Variants in TRIQK observed in about 807,000 individuals in gnomAD.
TRIQK encodes triple QxxK/R motif-containing protein.
Under a neutral mutation model 10.8 loss-of-function variants are expected in TRIQK, and 10 were observed. That is an observed-to-expected ratio of 0.92 (90% CI 0.57 to 1.57). TRIQK has a LOEUF of 1.57. Ranked by LOEUF, TRIQK falls within the 40% of genes most tolerant of loss-of-function variation. The probability of loss-of-function intolerance (pLI) is 0.00; values close to 1 mark genes in which losing one functional copy is unlikely to be tolerated. For missense variants in TRIQK, 107 were observed against 97.7 expected, an observed-to-expected ratio of 1.09 and a Z score of -0.40; for synonymous variants, 33 against 33.7, an observed-to-expected ratio of 0.98 and a Z score of 0.07.
intron 2 of TRIQK, among the ~76,000 whole-genome samples, chr8:92,945,611 CT>C (rs1364190837): frequency 6.6e-6 from 1 of 152,194 alleles, no homozygotes; most frequent in Non-Finnish European, 1.5e-5. Context: ...GCTCGTGCAG[CT>C]GTGGACAGCT....
At chr8:92,993,182 T>G (rs1813115589) in intron 1 of TRIQK, among the ~76,000 whole-genome samples, 1 of 152,174 alleles carries the variant, frequency 6.6e-6, no homozygotes, top group African/African-American at 2.4e-5. Context: ...TGAAGTGAGT[T>G]TTATTCAGCT....
intron 1 of TRIQK, among the ~76,000 whole-genome samples, chr8:93,015,266 T>TAAATTAGAATTATGTA: frequency 6.6e-6 from 1 of 152,074 alleles, no homozygotes; most frequent in Admixed American, 6.5e-5. Flanking sequence ...AATTCTAGTG[T>TAAATTAGAATTATGTA]ATTTCTAAAA....
chr8:92,955,915 G>A (rs780002080), intron 1 of TRIQK, among the ~76,000 whole-genome samples: 1 of 151,596 alleles, frequency 6.6e-6, no homozygotes, highest in Non-Finnish European at 1.5e-5. Flanking sequence ...AAAAATGCAA[G>A]TGGAGATAAG....
At chr8:92,929,729 C>T (rs1253750097) in intron 2 of TRIQK, 1 of 151,952 alleles carries the variant, frequency 6.6e-6, no homozygotes, top group East Asian at 1.9e-4. Flanking sequence ...ATCTGAAAGG[C>T]CACATGAGGG....
chr8:92,933,579 C>T (rs1280681425), intron 2 of TRIQK, among the ~76,000 whole-genome samples: 1 of 152,070 alleles, frequency 6.6e-6, no homozygotes, highest in African/African-American at 2.4e-5. Flanking sequence ...AAACATATGA[C>T]TGTCTGCAAA....
intron 2 of TRIQK, among the ~76,000 whole-genome samples, chr8:92,947,951 A>T (rs1391065829): frequency 6.6e-6 from 1 of 152,216 alleles, no homozygotes; most frequent in Non-Finnish European, 1.5e-5. Context: ...TCCTTGAATT[A>T]CAATGATAGG....
intron 2 of TRIQK, among the ~76,000 whole-genome samples, chr8:92,953,018 C>T (rs1187984629): frequency 6.6e-6 from 1 of 152,014 alleles, no homozygotes; most frequent in Non-Finnish European, 1.5e-5. Context: ...CTTGTTTCTA[C>T]AGCATAACCT....
rs184738971 is a variant in TRIQK, at chr8:92,903,382, A to C, written c.62-11308T>G. On this transcript the variant is annotated intron_variant, in intron 3 of 4. Coordinates refer to ENST00000521988, the MANE Select transcript of TRIQK (RefSeq NM_001171797.2). The stretch of plus-strand genomic sequence containing the variant: ...GCACTTAAATGTCTACATATAAAGA[A>C]TTATACACGTGAATATACTATTGTA... 6.6e-4 allele frequency among the ~76,000 whole-genome samples: 100 copies of C among 152,280 alleles called. 1 individual carries two copies. The highest frequency in any genetic ancestry group is 1.8e-3 in the African/African-American group (76 of 41,586).
chr8:93,017,114 A>G (rs1813391608), intron 1 of TRIQK, among the ~76,000 whole-genome samples: 1 of 910 alleles, frequency 1.1e-3, no homozygotes, highest in African/African-American at 3.7e-3. Flanking sequence ...ATACTTGGAG[A>G]GAGAGAGAGA....
At position 92,886,567 on chromosome 8, in the gene TRIQK, C is replaced by T. The variant is rs1816487651; in HGVS notation, c.*55G>A. On this transcript the variant is annotated 3_prime_UTR_variant, in exon 5 of 5. Coordinates refer to ENST00000521988, the MANE Select transcript of TRIQK (RefSeq NM_001171797.2). ...CAGTTTCAGTATTGAAAGTTTTGGT[C>T]CCAAAAGGTGCTTTCGTAAAGTTAT... 2.6e-6 allele frequency: 3 copies of T among 1,133,386 alleles called. No homozygotes were observed. The highest frequency in any genetic ancestry group is 3.7e-6 in the Non-Finnish European group (3 of 812,524). 70.2% of individuals were successfully genotyped at this position (1,133,386 alleles called of 1,614,324 possible).
intron 3 of TRIQK, among the ~76,000 whole-genome samples, chr8:92,915,729 G>A (rs189944167): frequency 6.8e-6 from 1 of 147,886 alleles, no homozygotes; most frequent in East Asian, 2.0e-4. Flanking sequence ...TCGATCTCCT[G>A]ACCTTGTGAT....
intron 2 of TRIQK, among the ~76,000 whole-genome samples, chr8:92,919,850 A>C (rs765487839): frequency 6.6e-6 from 1 of 151,524 alleles, no homozygotes; most frequent in Non-Finnish European, 1.5e-5. Context: ...CTGTCTTGTC[A>C]TGTTTAATCT....
At chr8:92,888,304 C>T (rs1160998699) in intron 4 of TRIQK, among the ~76,000 whole-genome samples, 2 of 151,640 alleles carry the variant, frequency 1.3e-5, no homozygotes, top group Non-Finnish European at 3.0e-5. Flanking sequence ...TGCTTTTCAA[C>T]TCCTTGTCCT....
chr8:93,004,566 G>T (rs1291492411), intron 1 of TRIQK, among the ~76,000 whole-genome samples: 1 of 152,130 alleles, frequency 6.6e-6, no homozygotes, highest in African/African-American at 2.4e-5. Context: ...CCCAAAAGTG[G>T]GTTTTTCTTT....
At chr8:92,949,903 A>T (rs894992308) in intron 2 of TRIQK, among the ~76,000 whole-genome samples, 1 of 152,012 alleles carries the variant, frequency 6.6e-6, no homozygotes, top group Admixed American at 6.6e-5. Context: ...GAAAGAAAGA[A>T]AAAAGAAAAA....
chr8:93,014,213 A>AG (rs1199289126), intron 1 of TRIQK, among the ~76,000 whole-genome samples: 1 of 152,146 alleles, frequency 6.6e-6, no homozygotes, highest in East Asian at 1.9e-4. Context: ...ACAATGTTAC[A>AG]GAAAAAAAGA....
intron 1 of TRIQK, among the ~76,000 whole-genome samples, chr8:93,004,297 G>T (rs1402377052): frequency 6.6e-6 from 1 of 152,172 alleles, no homozygotes; most frequent in Non-Finnish European, 1.5e-5. Context: ...AACTGCCAAG[G>T]TTGGGATTTG....
chr8:92,898,908 A>G (rs1300008315), intron 3 of TRIQK, among the ~76,000 whole-genome samples: 2 of 144,460 alleles, frequency 1.4e-5, no homozygotes, highest in African/African-American at 5.1e-5. Flanking sequence ...ATACAAGCAT[A>G]TAATGCATGA....
intron 1 of TRIQK, among the ~76,000 whole-genome samples, chr8:92,956,964 T>A (rs1355026316): frequency 6.6e-6 from 1 of 151,842 alleles, no homozygotes; most frequent in Non-Finnish European, 1.5e-5. Context: ...GGTAAGCACA[T>A]CACATACCAC....
Sources: gnomAD v4.1 joint callset for allele counts (sites outside exome capture counted in the v4.1 genomes callset) on GRCh38, gnomAD v4.1.1 for gene constraint, MANE v1.5 for transcripts, NCBI Gene and HGNC (gene_info 2026-07-23, HGNC 2026-07-21) for gene names.